PCMT1: variants seen among roughly 807,000 people sequenced by gnomAD.
The protein encoded by PCMT1 is protein-L-isoaspartate(D-aspartate) O-methyltransferase.
In PCMT1, 9 loss-of-function variants were observed where a neutral mutation model predicts 29.2. That is an observed-to-expected ratio of 0.31 (90% CI 0.19 to 0.54). The LOEUF (loss-of-function observed/expected upper bound fraction) is 0.54. Ranked by LOEUF, PCMT1 falls within the 20% of genes least tolerant of loss-of-function variation. PCMT1 has a pLI of 0.95. For synonymous variants in PCMT1, 98 were observed against 97.5 expected, an observed-to-expected ratio of 1.00 and a Z score of -0.03; for missense variants, 184 against 282.2, an observed-to-expected ratio of 0.65 and a Z score of 2.49.
chr6:149,783,012 A>G (rs1362908077), intron 3 of PCMT1, among the ~76,000 whole-genome samples: 1 of 152,164 alleles, frequency 6.6e-6, no homozygotes, highest in Non-Finnish European at 1.5e-5. Flanking sequence ...AATAAAGATC[A>G]CTATTTTGTT....
intron 5 of PCMT1, chr6:149,794,765 A>C: frequency 2.1e-6 from 1 of 474,460 alleles, no homozygotes; most frequent in South Asian, 1.5e-5. Context: ...GGAATACAGG[A>C]GTAAACCACA....
intron 6 of PCMT1, among the ~76,000 whole-genome samples, chr6:149,799,609 T>G (rs1240074061): frequency 3.3e-5 from 5 of 152,190 alleles, no homozygotes. Context: ...GTCTTAAAAT[T>G]TAATGTATTA....
chr6:149,758,081 A>T (rs766347146), intron 1 of PCMT1, among the ~76,000 whole-genome samples: 1 of 151,432 alleles, frequency 6.6e-6, no homozygotes, highest in Non-Finnish European at 1.5e-5. Flanking sequence ...ATGGGGTTTC[A>T]CCATGTTGGC....
At chr6:149,773,578 T>C (rs9766444) in intron 3 of PCMT1, among the ~76,000 whole-genome samples, 81,198 of 151,936 alleles carry the variant, frequency 0.53, 24,920 homozygotes, top group East Asian at 0.83. Flanking sequence ...CGGGGTTTCA[T>C]GGTCTTAGCC....
intron 7 of PCMT1, among the ~76,000 whole-genome samples, chr6:149,807,616 C>G (rs998369387): frequency 3.3e-5 from 5 of 152,156 alleles, no homozygotes; most frequent in Non-Finnish European, 7.3e-5. Flanking sequence ...AGTGATCCAC[C>G]CGCCTCAGCC....
chr6:149,795,151 C>G (rs954189850), intron 5 of PCMT1: 3 of 309,290 alleles, frequency 9.7e-6, no homozygotes, highest in African/African-American at 2.3e-5. Context: ...TGAGATCACG[C>G]CATTGCACTC....
chr6:149,789,066 A>ATTTTTTTTTTTTTTTTTTTTTTTTTTTTT lies in PCMT1; in HGVS notation c.193-863_193-862insTTTTTTTTTTTTTTTTTTTTTTTTTTTTT, dbSNP rs56661461. 2.2e-5 allele frequency among the ~76,000 whole-genome samples: 2 copies of ATTTTTTTTTTTTTTTTTTTTTTTTTTTTT among 90,504 alleles called. 1 individual carries two copies. 59.4% of individuals were successfully genotyped at this position (90,504 alleles called of 152,430 possible). On this transcript the variant is annotated intron_variant, in intron 3 of 7. Transcript: ENST00000464889. ...AATGTGTTTACTGCTATTGGATCTG[A>ATTTTTTTTTTTTTTTTTTTTTTTTTTTTT]TTTTTTTTTTTTTTTTTTTTTTTTT...
intron 1 of PCMT1, among the ~76,000 whole-genome samples, chr6:149,767,642 T>TG (rs1409104671): frequency 2.0e-5 from 3 of 151,938 alleles, no homozygotes; most frequent in Non-Finnish European, 4.4e-5. Context: ...TTTGTAGAGA[T>TG]GGGGTCTCTT....
At chr6:149,784,523 T>C (rs1787945303) in intron 3 of PCMT1, among the ~76,000 whole-genome samples, 1 of 151,944 alleles carries the variant, frequency 6.6e-6, no homozygotes, top group African/African-American at 2.4e-5. Context: ...CAGGCTGGAA[T>C]GTAGTAGCGC....
intron 2 of PCMT1, chr6:149,772,261 G>A: frequency 2.9e-6 from 1 of 349,088 alleles, no homozygotes; most frequent in Non-Finnish European, 5.6e-6. Context: ...AATAAGTTTT[G>A]AGAAAGCAAC....
At position 149,790,019 on chromosome 6, in the gene PCMT1, A is replaced by G; in HGVS notation, c.258A>G (p.Gly86=). The G allele has an allele frequency of 6.2e-7, 1 of 1,612,282 alleles. No individual in the cohort carries two copies. The highest frequency in any genetic ancestry group is 8.5e-7 in the Non-Finnish European group (1 of 1,179,178). ...LHEGAKALDV[G]SGSGILTACF... Reference sequence around the variant, plus strand: ...AAGGAGCTAAAGCTCTTGATGTAGGATCTGGAAGTGGAATCCTTACTGCAT... The same window carrying G: ...AAGGAGCTAAAGCTCTTGATGTAGGGTCTGGAAGTGGAATCCTTACTGCAT... Residue 86 remains glycine (G), a synonymous_variant, in exon 4 of 8, where the codon GGA becomes GGG. Coordinates refer to ENST00000464889, the MANE Select transcript of PCMT1 (RefSeq NM_001360452.2).
intron 3 of PCMT1, among the ~76,000 whole-genome samples, chr6:149,774,380 C>T (rs980567837): frequency 2.0e-4 from 31 of 151,310 alleles, no homozygotes; most frequent in Admixed American, 1.9e-3. Context: ...ACTAGCATTA[C>T]AGGTGCCCGC....
chr6:149,767,113 G>T (rs1184172251), intron 1 of PCMT1, among the ~76,000 whole-genome samples: 1 of 152,112 alleles, frequency 6.6e-6, no homozygotes, highest in Non-Finnish European at 1.5e-5. Flanking sequence ...GGAGGCTGAG[G>T]CAGGAGAATC....
intron 1 of PCMT1, among the ~76,000 whole-genome samples, chr6:149,765,949 A>G (rs1317578019): frequency 6.6e-6 from 1 of 151,286 alleles, no homozygotes; most frequent in East Asian, 2.0e-4. Context: ...CTGGGCAACA[A>G]GAGTGAAACT....
At chr6:149,801,751 AT>A (rs919088463) in intron 6 of PCMT1, among the ~76,000 whole-genome samples, 5 of 152,120 alleles carry the variant, frequency 3.3e-5, no homozygotes, top group African/African-American at 1.2e-4. Flanking sequence ...TCTGGCCTTA[AT>A]TTGTATATAC....
rs1178425958 is a variant in PCMT1 at position 149,784,766 on chromosome 6, ACT to A, written c.193-5181_193-5180del. 1.1e-3 allele frequency among the ~76,000 whole-genome samples: 163 copies of A among 152,148 alleles called. 1 individual carries two copies. Among genetic ancestry groups the A allele is most frequent in the African/African-American group, 3.8e-3 (156 of 41,546 alleles). ...GCTATGAACCACTGCTCCTAGTGTA[ACT>A]CTCTCTTTTGCTGAAGTATTTTAAA... On this transcript the variant is annotated intron_variant, in intron 3 of 7. Transcript: ENST00000464889.
At chr6:149,783,142 A>AT (rs1371787706) in intron 3 of PCMT1, among the ~76,000 whole-genome samples, 2 of 151,920 alleles carry the variant, frequency 1.3e-5, no homozygotes, top group African/African-American at 2.4e-5. Flanking sequence ...TATTATTATT[A>AT]TTTTTTTTCA....
At chr6:149,795,629 A>G (rs549852433) in intron 5 of PCMT1, 46 of 480,882 alleles carry the variant, frequency 9.6e-5, no homozygotes, top group South Asian at 6.5e-4. Context: ...CTGTGTTTCA[A>G]TCTATTCTGG....
chr6:149,798,291 A>G (rs1472464806), intron 6 of PCMT1: 1 of 152,190 alleles, frequency 6.6e-6, no homozygotes, highest in Non-Finnish European at 1.5e-5. Context: ...CACATGACCA[A>G]TGGGTTTTTA....
Sources: allele counts gnomAD v4.1 joint callset (sites outside exome capture counted in the v4.1 genomes callset), GRCh38; gene constraint gnomAD v4.1.1; transcripts MANE v1.5; gene names NCBI Gene and HGNC (gene_info 2026-07-23, HGNC 2026-07-21).